The following TMEM161B variants were observed in gnomAD, a reference collection of about 807,000 sequenced individuals.
The protein encoded by TMEM161B is transmembrane protein 161B.
A neutral mutation model predicts 61.8 loss-of-function variants in TMEM161B; 34 were observed. That is an observed-to-expected ratio of 0.55 (90% CI 0.42 to 0.73). The LOEUF (loss-of-function observed/expected upper bound fraction) is 0.73, where lower values mean the gene tolerates loss of function less well. TMEM161B is among the 30% of genes least tolerant of loss of function. The pLI, the probability that TMEM161B is intolerant of heterozygous loss-of-function variation, is 0.00. For synonymous variants in TMEM161B, 167 were observed against 192.8 expected, an observed-to-expected ratio of 0.87 and a Z score of 1.11; for missense variants, 456 against 558.5, an observed-to-expected ratio of 0.82 and a Z score of 1.85.
At chr5:88,264,207 C>G (rs1264533148) in intron 1 of TMEM161B, among the ~76,000 whole-genome samples, 1 of 151,378 alleles carries the variant, frequency 6.6e-6, no homozygotes, top group South Asian at 2.1e-4. Flanking sequence ...ATTCTAATAT[C>G]CAGAATCTAC....
chr5:88,262,283 A>T (rs1755784066), intron 1 of TMEM161B, among the ~76,000 whole-genome samples: 1 of 152,234 alleles, frequency 6.6e-6, no homozygotes, highest in African/African-American at 2.4e-5. Flanking sequence ...GCAAGAATGT[A>T]GAGCAATGGG....
intron 8 of TMEM161B, among the ~76,000 whole-genome samples, chr5:88,203,560 T>TA (rs1744810099): frequency 6.6e-6 from 1 of 151,646 alleles, no homozygotes. Flanking sequence ...ATGATAGTGA[T>TA]TAGCCAGGTC....
chr5:88,219,454 G>T (rs1482060216), intron 5 of TMEM161B, among the ~76,000 whole-genome samples: 4 of 151,854 alleles, frequency 2.6e-5, no homozygotes, highest in African/African-American at 9.7e-5. Context: ...AAAAGAGTAG[G>T]GAACATATAT....
chr5:88,247,605 T>A (rs1037949275), intron 1 of TMEM161B, among the ~76,000 whole-genome samples: 2 of 152,118 alleles, frequency 1.3e-5, no homozygotes, highest in Non-Finnish European at 2.9e-5. Context: ...GAGACAGACT[T>A]CTTAGGGATG....
intron 9 of TMEM161B, chr5:88,201,876 A>T (rs905445481): frequency 8.2e-5 from 15 of 182,040 alleles, no homozygotes; most frequent in Admixed American, 2.3e-4. Flanking sequence ...AAGAGAAATT[A>T]TCATGGTCAT....
intron 2 of TMEM161B, among the ~76,000 whole-genome samples, chr5:88,235,071 A>G (rs1751619224): frequency 1.3e-5 from 2 of 152,218 alleles, no homozygotes; most frequent in Admixed American, 1.3e-4. Context: ...CTCAATGATC[A>G]TTCTTATATA....
At chr5:88,245,046 T>C (rs1290860782) in intron 1 of TMEM161B, among the ~76,000 whole-genome samples, 1 of 151,822 alleles carries the variant, frequency 6.6e-6, no homozygotes, top group East Asian at 1.9e-4. Flanking sequence ...GGGCACAGAC[T>C]GTGGGGTTTT....
chr5:88,234,442 A>C (rs1054404956), intron 2 of TMEM161B, among the ~76,000 whole-genome samples: 1 of 152,220 alleles, frequency 6.6e-6, no homozygotes, highest in African/African-American at 2.4e-5. Flanking sequence ...ATAGATTCCA[A>C]GTAAAACCTA....
At position 88,224,959 on chromosome 5, in the gene TMEM161B, G is replaced by GTTTTTTTTTTTTTTTTTTTTTT. The variant is rs202011902; in HGVS notation, c.289+809_289+810insAAAAAAAAAAAAAAAAAAAAAA. On this transcript the variant is annotated intron_variant, in intron 4 of 11. Coordinates refer to ENST00000296595, the MANE Select transcript of TMEM161B (RefSeq NM_153354.5). ...ATAATACACATAACACACAAAATAT[G>GTTTTTTTTTTTTTTTTTTTTTT]TTTTTGTTTTTTTTTTTTTTTTTTT... Among the ~76,000 whole-genome samples the GTTTTTTTTTTTTTTTTTTTTTT allele has an allele frequency of 2.7e-4, 27 of 101,202 alleles. 11 individuals are homozygous for GTTTTTTTTTTTTTTTTTTTTTT. Among genetic ancestry groups the GTTTTTTTTTTTTTTTTTTTTTT allele is most frequent in the African/African-American group, 4.3e-4 (11 of 25,838 alleles). The allele number at this position is 101,202 out of a possible 152,430, so 66.4% of individuals were successfully genotyped here. A position where few individuals can be genotyped will look rare whatever the true frequency, so the allele number is the denominator to read the frequency against.
chr5:88,196,754 A>G (rs758670784), intron 11 of TMEM161B, among the ~76,000 whole-genome samples: 16 of 152,156 alleles, frequency 1.1e-4, no homozygotes, highest in Non-Finnish European at 2.4e-4. Context: ...AATTGGTAAA[A>G]TAACAAAACA....
chr5:88,241,842 A>T (rs957282700), intron 1 of TMEM161B, among the ~76,000 whole-genome samples: 6 of 151,782 alleles, frequency 4.0e-5, no homozygotes, highest in Non-Finnish European at 7.4e-5. Context: ...TTACAGGAAA[A>T]ATAGATACAA....
chr5:88,188,674 GA>G (rs565436077), downstream of TMEM161B, among the ~76,000 whole-genome samples: 7 of 152,256 alleles, frequency 4.6e-5, no homozygotes, highest in South Asian at 1.5e-3. Flanking sequence ...AAAGAAGGAA[GA>G]GGTTTTTTAT....
intron 1 of TMEM161B, among the ~76,000 whole-genome samples, chr5:88,265,296 G>T (rs1305009231): frequency 6.6e-6 from 1 of 152,242 alleles, no homozygotes; most frequent in East Asian, 1.9e-4. Flanking sequence ...TGGCCCCAGG[G>T]ACTGGTTTCA....
downstream of TMEM161B, among the ~76,000 whole-genome samples, chr5:88,194,213 T>C (rs1355704425): frequency 6.6e-6 from 1 of 152,182 alleles, no homozygotes; most frequent in Non-Finnish European, 1.5e-5. Flanking sequence ...GTACTCATTG[T>C]TCAGCTCCCG....
chr5:88,207,639 G>GA (rs1270732897), intron 5 of TMEM161B, among the ~76,000 whole-genome samples: 1 of 152,008 alleles, frequency 6.6e-6, no homozygotes, highest in African/African-American at 2.4e-5. Context: ...TTAGTAATAA[G>GA]AAAAAATCTT....
intron 1 of TMEM161B, among the ~76,000 whole-genome samples, chr5:88,265,876 A>G (rs1344460850): frequency 6.6e-6 from 1 of 152,196 alleles, no homozygotes; most frequent in East Asian, 1.9e-4. Flanking sequence ...GATGATACAC[A>G]GATGCAAGCC....
intron 1 of TMEM161B, among the ~76,000 whole-genome samples, chr5:88,267,871 C>T (rs1376941178): frequency 6.6e-6 from 1 of 152,176 alleles, no homozygotes; most frequent in African/African-American, 2.4e-5. Flanking sequence ...ATTAACCAAA[C>T]TTTAAGATTC....
At position 88,206,508 on chromosome 5, in the gene TMEM161B, G is replaced by GAA. The variant is rs558912554; in HGVS notation, c.599-11_599-10dup. 1.3e-4 allele frequency: 176 copies of GAA among 1,307,228 alleles called. No individual in the cohort carries two copies. The highest frequency in any genetic ancestry group is 4.0e-4 in the Admixed American group (17 of 43,026). 81.0% of individuals were successfully genotyped at this position (1,307,228 alleles called of 1,614,324 possible). A position where few individuals can be genotyped will look rare whatever the true frequency, so the allele number is the denominator to read the frequency against. On this transcript the variant is annotated splice_polypyrimidine_tract_variant and intron_variant, in intron 6 of 11. Coordinates refer to ENST00000296595, the MANE Select transcript of TMEM161B (RefSeq NM_153354.5). ...TGAAAAATTTGTAAACCCTGTGGGG[G>GAA]AAAAAAAAAAAAACAACAGATTACT...
Position 88,268,744 on chromosome 5 carries a change from G to A in TMEM161B, c.-21C>T. Reference sequence around the variant, plus strand: ...ACCATGGCGCCTAGGATAGGTCGTGGACCAGACACCCTGGAGTTGCCGGGG... The same window carrying A: ...ACCATGGCGCCTAGGATAGGTCGTGAACCAGACACCCTGGAGTTGCCGGGG... On this transcript the variant is annotated 5_prime_UTR_variant, in exon 1 of 12. Transcript: ENST00000296595. 1.2e-6 allele frequency: 2 copies of A among 1,614,062 alleles called. No individual in the cohort carries two copies. Among genetic ancestry groups the A allele is most frequent in the South Asian group, 2.2e-5 (2 of 91,066 alleles).
Sources: gnomAD v4.1 joint callset for allele counts (sites outside exome capture counted in the v4.1 genomes callset) on GRCh38, gnomAD v4.1.1 for gene constraint, MANE v1.5 for transcripts, NCBI Gene and HGNC (gene_info 2026-07-23, HGNC 2026-07-21) for gene names.